MYT1L: variants seen among roughly 807,000 people sequenced by gnomAD.
MYT1L encodes myelin transcription factor 1 like.
In MYT1L, 12 loss-of-function variants were observed where a neutral mutation model predicts 126.7. That is an observed-to-expected ratio of 0.09 (90% CI 0.06 to 0.15). MYT1L has a LOEUF of 0.15. Among genes scored for constraint, MYT1L ranks in the 10% least tolerant of loss-of-function variants. MYT1L has a pLI of 1.00. For missense variants in MYT1L, 979 were observed against 1,585.2 expected, an observed-to-expected ratio of 0.62 and a Z score of 6.49; for synonymous variants, 541 against 604.2, an observed-to-expected ratio of 0.90 and a Z score of 1.53.
chr2:2,164,770 A>C (rs567530277), intron 3 of MYT1L, among the ~76,000 whole-genome samples: 2 of 152,342 alleles, frequency 1.3e-5, no homozygotes, highest in South Asian at 4.1e-4. Context: ...TCAGAAGCAC[A>C]TACACGCCGT....
chr2:2,285,971 C>T (rs1037585309), intron 1 of MYT1L, among the ~76,000 whole-genome samples: 1 of 148,826 alleles, frequency 6.7e-6, no homozygotes, highest in Non-Finnish European at 1.5e-5. Flanking sequence ...TTGTTCTTCA[C>T]TCTTCTTCTT....
At chr2:2,149,408 T>G (rs767764733) in intron 3 of MYT1L, among the ~76,000 whole-genome samples, 2 of 152,190 alleles carry the variant, frequency 1.3e-5, no homozygotes, top group African/African-American at 4.8e-5. Flanking sequence ...TTATCAACAA[T>G]TGCATGAGGC....
chr2:1,863,545 C>G (rs1287136890), intron 18 of MYT1L, among the ~76,000 whole-genome samples: 1 of 138,408 alleles, frequency 7.2e-6, no homozygotes, highest in Non-Finnish European at 1.7e-5. Flanking sequence ...TTGCAGAGTA[C>G]TGTCCCGCGC....
At chr2:2,282,525 A>G (rs2149409114) in intron 2 of MYT1L, among the ~76,000 whole-genome samples, 1 of 152,220 alleles carries the variant, frequency 6.6e-6, no homozygotes, top group East Asian at 1.9e-4. Flanking sequence ...AGGATTGTAA[A>G]GATAATGCCC....
At chr2:2,189,597 C>A (rs973615120) in intron 2 of MYT1L, among the ~76,000 whole-genome samples, 38 of 152,170 alleles carry the variant, frequency 2.5e-4, no homozygotes, top group African/African-American at 8.2e-4. Context: ...TTTTTAATAA[C>A]TAAAAAGCAA....
At chr2:2,126,950 A>G (rs2081781419) in intron 3 of MYT1L, among the ~76,000 whole-genome samples, 1 of 152,220 alleles carries the variant, frequency 6.6e-6, no homozygotes, top group Non-Finnish European at 1.5e-5. Context: ...TAGCCCAGCA[A>G]TTCTCTTTCT....
intron 14 of MYT1L, among the ~76,000 whole-genome samples, chr2:1,896,032 T>C (rs1383208813): frequency 6.6e-6 from 1 of 152,040 alleles, no homozygotes; most frequent in Non-Finnish European, 1.5e-5. Context: ...GCAAAGAACA[T>C]GAACAGACAC....
intron 21 of MYT1L, among the ~76,000 whole-genome samples, chr2:1,813,596 G>C (rs931014351): frequency 1.3e-5 from 2 of 152,114 alleles, no homozygotes. Context: ...GGCGGGATTC[G>C]ATTCTCCCAG....
chr2:1,892,008 G>C lies in MYT1L; in HGVS notation c.2283+29C>G, dbSNP rs999900998. The C allele has an allele frequency of 6.7e-6, 10 of 1,484,324 alleles. No homozygotes were observed. The African/African-American group carries it at 8.4e-5, about 12-fold the overall frequency. The allele number at this position is 1,484,324 out of a possible 1,614,324, so 91.9% of individuals were successfully genotyped here. A position where few individuals can be genotyped will look rare whatever the true frequency, so the allele number is the denominator to read the frequency against. On this transcript the variant is annotated intron_variant, in intron 15 of 24. Transcript: ENST00000647738. Reference sequence around the variant, plus strand: ...GCGGCCCGGCCTCCCCCACCCGCCAGGTGGCTCCACCTGCCCAGGCGCGCG... The same window carrying C: ...GCGGCCCGGCCTCCCCCACCCGCCACGTGGCTCCACCTGCCCAGGCGCGCG...
intron 3 of MYT1L, among the ~76,000 whole-genome samples, chr2:2,165,182 T>C (rs1447563931): frequency 6.6e-6 from 1 of 152,232 alleles, no homozygotes; most frequent in African/African-American, 2.4e-5. Context: ...TTCTATGATC[T>C]ACCTCTGACA....
intron 2 of MYT1L, among the ~76,000 whole-genome samples, chr2:2,271,267 C>T (rs2095258570): frequency 6.6e-6 from 1 of 152,190 alleles, no homozygotes; most frequent in East Asian, 1.9e-4. Flanking sequence ...GGCTCAGTTG[C>T]CCACACAGTC....
At chr2:2,153,783 T>C (rs2086235498) in intron 3 of MYT1L, among the ~76,000 whole-genome samples, 1 of 151,962 alleles carries the variant, frequency 6.6e-6, no homozygotes, top group Non-Finnish European at 1.5e-5. Context: ...TGGGTTTCCA[T>C]GAGAGAGGAT....
At chr2:2,051,403 C>T (rs1442264520) in intron 4 of MYT1L, among the ~76,000 whole-genome samples, 2 of 152,152 alleles carry the variant, frequency 1.3e-5, no homozygotes, top group African/African-American at 2.4e-5. Context: ...CTTCTGGGTC[C>T]TCCTCAACAG....
chr2:2,239,742 TAAAAATA>T (rs915363328), intron 2 of MYT1L, among the ~76,000 whole-genome samples: 2 of 152,100 alleles, frequency 1.3e-5, no homozygotes, highest in African/African-American at 4.8e-5. Flanking sequence ...AGCAAACCAA[TAAAAATA>T]AACAACAGGC....
chr2:1,817,388 C>T (rs1042610080), intron 21 of MYT1L, among the ~76,000 whole-genome samples: 1 of 152,214 alleles, frequency 6.6e-6, no homozygotes, highest in Non-Finnish European at 1.5e-5. Flanking sequence ...GGTTCAGCAC[C>T]GGCTTTGCCC....
intron 5 of MYT1L, among the ~76,000 whole-genome samples, chr2:1,991,294 G>T (rs952935622): frequency 6.6e-6 from 1 of 152,028 alleles, no homozygotes; most frequent in Admixed American, 6.6e-5. Context: ...TCTTGTGAGG[G>T]TCTCGCTGTA....
chr2:1,949,722 C>T (rs1009943302), intron 8 of MYT1L, among the ~76,000 whole-genome samples: 8 of 152,126 alleles, frequency 5.3e-5, no homozygotes, highest in African/African-American at 1.9e-4. Context: ...CTGTTATCAC[C>T]GCCGTGGAGA....
chr2:2,274,007 A>G (rs1391051619), intron 2 of MYT1L, among the ~76,000 whole-genome samples: 2 of 152,210 alleles, frequency 1.3e-5, no homozygotes, highest in African/African-American at 4.8e-5. Context: ...CTGATACTCA[A>G]TTATCCATAT....
At chr2:2,104,372 C>G (rs2078480867) in intron 3 of MYT1L, among the ~76,000 whole-genome samples, 1 of 152,212 alleles carries the variant, frequency 6.6e-6, no homozygotes, top group Admixed American at 6.5e-5. Flanking sequence ...GTACTGCAGT[C>G]AACCACATAT....
Sources: allele counts gnomAD v4.1 joint callset (sites outside exome capture counted in the v4.1 genomes callset), GRCh38; gene constraint gnomAD v4.1.1; transcripts MANE v1.5; gene names NCBI Gene and HGNC (gene_info 2026-07-23, HGNC 2026-07-21).